MAN1B1: variants seen among roughly 807,000 people sequenced by gnomAD.
MAN1B1 encodes the protein endoplasmic reticulum mannosyl-oligosaccharide 1,2-alpha-mannosidase.
Under a neutral mutation model 75.5 loss-of-function variants are expected in MAN1B1, and 66 were observed. That is an observed-to-expected ratio of 0.87 (90% CI 0.72 to 1.07). The LOEUF (loss-of-function observed/expected upper bound fraction) is 1.07, where lower values mean the gene tolerates loss of function less well. Among genes scored for constraint, MAN1B1 ranks in the 50% least tolerant of loss-of-function variants. MAN1B1 has a pLI of 0.00. For missense variants in MAN1B1, 973 were observed against 912.5 expected, an observed-to-expected ratio of 1.07 and a Z score of -0.85; for synonymous variants, 453 against 382.8, an observed-to-expected ratio of 1.18 and a Z score of -2.14.
In MAN1B1 at chr9:137,087,191, G is replaced by A. The variant is rs1175231966; in HGVS notation, c.192G>A (p.Lys64=). 1 of 1,589,084 alleles carries A rather than the reference G, an allele frequency of 6.3e-7. No homozygotes were observed. The highest frequency in any genetic ancestry group is 8.6e-7 in the Non-Finnish European group (1 of 1,168,486). Residue 64 remains lysine, a synonymous_variant, in exon 1 of 13, where the codon AAG becomes AAA. Coordinates refer to ENST00000371589, the MANE Select transcript of MAN1B1 (RefSeq NM_016219.5). ...TTGGCGAGAACTATGACAACAGCAA[G>A]AGTTGGCGGCGGCGCTCGTGCTGGA... ...LSFGENYDNS[K]SWRRRSCWRK...
intron 6 of MAN1B1, among the ~76,000 whole-genome samples, chr9:137,100,549 G>A (rs1830782096): frequency 6.6e-6 from 1 of 152,206 alleles, no homozygotes; most frequent in Admixed American, 6.5e-5. Context: ...TTGAGATGGA[G>A]TCTTTCACTG....
Position 137,101,211 on chromosome 9 carries a change from C to T in MAN1B1, c.1065+58C>T, listed in dbSNP as rs188172471. ...GTGGACTCGCATTCAAGCAGTTACCCCTTTAGTGGACTTGTGGGGACGTGA... is the reference window on the plus strand; with the variant it reads ...GTGGACTCGCATTCAAGCAGTTACCTCTTTAGTGGACTTGTGGGGACGTGA... On this transcript the variant is annotated intron_variant, in intron 7 of 12. Transcript: ENST00000371589. The T allele has an allele frequency of 3.1e-5, 49 of 1,598,270 alleles. No homozygotes were observed. The East Asian group carries it at 9.4e-4, about 31-fold the overall frequency.
At chr9:137,101,919 G>T (rs1428478017) in intron 8 of MAN1B1, 1 of 629,708 alleles carries the variant, frequency 1.6e-6, no homozygotes, top group African/African-American at 1.8e-5. Context: ...GCAGGTCGGT[G>T]GTGTTACACA....
chr9:137,087,272 C>A, intron 1 of MAN1B1, 54 bp downstream of exon 1: 1 of 1,533,690 alleles, frequency 6.5e-7, no homozygotes. Context: ...CCGCCGCCCT[C>A]CCAGACTGCG....
rs150960605 is a variant in MAN1B1, at chr9:137,101,265, C to T, written c.1065+112C>T. ...TCTTCCTGTTTCCTCTTCAAATGCA[C>T]TGGAGTCTGTTTCTGAGCTCATATT... On this transcript the variant is annotated intron_variant, in intron 7 of 12. Coordinates refer to ENST00000371589, the MANE Select transcript of MAN1B1 (RefSeq NM_016219.5). 3.5e-4 allele frequency: 492 copies of T among 1,402,866 alleles called. 4 individuals are homozygous for T. In the East Asian group the frequency reaches 0.011, roughly 32 times the overall value. 86.9% of individuals were successfully genotyped at this position (1,402,866 alleles called of 1,614,324 possible). A position where few individuals can be genotyped will look rare whatever the true frequency, so the allele number is the denominator to read the frequency against.
intron 5 of MAN1B1, 33 bp downstream of exon 5, chr9:137,097,970 G>A (rs1830701185): frequency 1.3e-6 from 2 of 1,489,138 alleles, no homozygotes; most frequent in South Asian, 1.2e-5. Context: ...TCCTCCCCGG[G>A]CGCTCAGGGG....
rs1178005549 is a variant in MAN1B1 at position 137,099,851 on chromosome 9, G to A, written c.886G>A (p.Asp296Asn). 2.5e-6 allele frequency: 4 copies of A among 1,614,098 alleles called. No homozygotes were observed. Among genetic ancestry groups the A allele is most frequent in the Non-Finnish European group, 3.4e-6 (4 of 1,180,050 alleles). Reference sequence around the variant, plus strand: ...CGGTCTCACACTGATCGACGCGCTGGACACCATGTGGATCTTGGGTCTGAG... The same window carrying A: ...CGGTCTCACACTGATCGACGCGCTGAACACCATGTGGATCTTGGGTCTGAG... ...GLGLTLIDALDTMWILGLRKE... is the reference protein window; with the variant it reads ...GLGLTLIDALNTMWILGLRKE... Residue 296 changes from aspartate (D) to asparagine (N), a missense_variant, in exon 6 of 13, where the codon GAC (aspartate) becomes AAC (asparagine). Asp to Asn is a conservative substitution (Grantham distance 23). Coordinates refer to ENST00000371589, the MANE Select transcript of MAN1B1 (RefSeq NM_016219.5).
At chr9:137,106,453 C>A in intron 9 of MAN1B1, 138 bp downstream of exon 9, 1 of 1,009,570 alleles carries the variant, frequency 9.9e-7, no homozygotes, top group Non-Finnish European at 1.4e-6. Context: ...GCAGCCGTGC[C>A]AGGCCTGGCC....
chr9:137,088,378 A>T (rs1296998090), intron 2 of MAN1B1, 195 bp downstream of exon 2: 2 of 1,585,296 alleles, frequency 1.3e-6, no homozygotes, highest in Admixed American at 3.4e-5. Flanking sequence ...ATGCTGTCTG[A>T]CTACTTTCTA....
At chr9:137,107,746 C>T (rs747883962) in intron 12 of MAN1B1, 84 bp downstream of exon 12, 40 of 1,598,724 alleles carry the variant, frequency 2.5e-5, no homozygotes, top group Non-Finnish European at 1.5e-5. Context: ...TGGCTCCGCT[C>T]TTGGTGGTGG....
chr9:137,107,142 A>G, intron 10 of MAN1B1, 108 bp from the exon 11 acceptor site: 1 of 1,243,978 alleles, frequency 8.0e-7, no homozygotes, highest in Non-Finnish European at 1.1e-6. Context: ...CTCCCCTCCC[A>G]GGGTACCAGG....
chr9:137,094,836 C>T (rs1179093007), intron 3 of MAN1B1, among the ~76,000 whole-genome samples: 1 of 150,996 alleles, frequency 6.6e-6, no homozygotes, highest in Non-Finnish European at 1.5e-5. Flanking sequence ...GCCAAGATCA[C>T]GCCACTGCAC....
At chr9:137,090,737 C>T (rs555886113) in intron 3 of MAN1B1, among the ~76,000 whole-genome samples, 2 of 152,206 alleles carry the variant, frequency 1.3e-5, no homozygotes, top group East Asian at 3.9e-4. Context: ...ACGTGTTTCA[C>T]TATGTTGGTC....
In MAN1B1 at chr9:137,106,135, A is replaced by G. The variant is rs1331015949; in HGVS notation, c.1265A>G (p.Glu422Gly). The G allele has an allele frequency of 6.2e-7, 1 of 1,612,750 alleles. No homozygotes were observed. The highest frequency in any genetic ancestry group is 1.3e-5 in the African/African-American group (1 of 74,924). The change falls in exon 9 of 13, where the codon GAG (glutamate) becomes GGG (glycine). Residue 422 changes from glutamate (E) to glycine (G), a missense_variant. Transcript: ENST00000371589. Reference protein sequence around the residue: ...TGDKKFQEAVEKVTQHIHGLS... With the variant: ...TGDKKFQEAVGKVTQHIHGLS... ...CCCTTTCTGCCGCAGGAGGCAGTGG[A>G]GAAGGTGACACAGCACATCCACGGC...
chr9:137,101,906 C>T lies in MAN1B1; in HGVS notation c.1254+234C>T, dbSNP rs199697646. The T allele has an allele frequency of 6.8e-4, 440 of 650,312 alleles. 1 individual carries two copies. Among genetic ancestry groups the T allele is most frequent in the Non-Finnish European group, 7.0e-4 (249 of 356,640 alleles). The allele number at this position is 650,312 out of a possible 1,614,324, so 40.3% of individuals were successfully genotyped here. ...TTACACACATTCACACTGTTGCAGG[C>T]GTGCAGGTCGGTGGTGTTACACACA... is the stretch of plus-strand genomic sequence containing the variant. On this transcript the variant is annotated intron_variant, in intron 8 of 12. Transcript: ENST00000371589.
Position 137,102,793 on chromosome 9 carries a change from C to T in MAN1B1, c.1254+1121C>T, listed in dbSNP as rs201784358. ...GCGTGCAGGTCGGTGGTGTTACACA[C>T]ATTCATGCTGTTGCAGGCGTGCAGG... On this transcript the variant is annotated intron_variant, in intron 8 of 12. Transcript: ENST00000371589. The T allele has an allele frequency of 9.9e-3, 3,071 of 309,712 alleles. 22 individuals carry two copies. Among genetic ancestry groups the T allele is most frequent in the Non-Finnish European group, 0.014 (2,249 of 160,982 alleles). The allele number at this position is 309,712 out of a possible 1,614,324, so 19.2% of individuals were successfully genotyped here. A position where few individuals can be genotyped will look rare whatever the true frequency, so the allele number is the denominator to read the frequency against.
chr9:137,108,391 C>T lies in MAN1B1; in HGVS notation c.1900C>T (p.Pro634Ser), dbSNP rs757114365. The T allele has an allele frequency of 2.5e-6, 4 of 1,613,552 alleles. No individual in the cohort carries two copies. Among genetic ancestry groups the T allele is most frequent in the Admixed American group, 1.7e-5 (1 of 60,014 alleles). The change falls in exon 13 of 13, where the codon CCC (proline) becomes TCC (serine). Residue 634 changes from proline to serine, a missense_variant. Pro to Ser is a moderately conservative substitution (Grantham distance 74, BLOSUM62 -1). Coordinates refer to ENST00000371589, the MANE Select transcript of MAN1B1 (RefSeq NM_016219.5). ...LQSFSRFTRV[P>S]SGGYSSINNV... ...CGAGGCCCTGGCTGCTGCACAGGTC[C>T]CCTCGGGTGGCTATTCTTCCATCAA...
At chr9:137,102,025 A>G (rs958683296) in intron 8 of MAN1B1, 4 of 475,764 alleles carry the variant, frequency 8.4e-6, no homozygotes, top group South Asian at 1.6e-5. Flanking sequence ...ATGCTGTTGC[A>G]GGCGTGCAGG....
chr9:137,100,005 C>G (rs999247460), intron 6 of MAN1B1, 124 bp downstream of exon 6: 1 of 1,176,066 alleles, frequency 8.5e-7, no homozygotes. Flanking sequence ...TTCCCTTCTC[C>G]TGGGTGCGGG....
Sources: allele counts gnomAD v4.1 joint callset (sites outside exome capture counted in the v4.1 genomes callset), GRCh38; gene constraint gnomAD v4.1.1; transcripts MANE v1.5; gene names NCBI Gene and HGNC (gene_info 2026-07-23, HGNC 2026-07-21).